Variants in BRD4 observed in about 807,000 individuals in gnomAD.
BRD4 encodes the protein bromodomain-containing protein 4.
Under a neutral mutation model 142.1 loss-of-function variants are expected in BRD4, and 16 were observed. That is an observed-to-expected ratio of 0.11 (90% CI 0.08 to 0.17). BRD4 has a LOEUF of 0.17. Among genes scored for constraint, BRD4 ranks in the 10% least tolerant of loss-of-function variants. The pLI, the probability that BRD4 is intolerant of heterozygous loss-of-function variation, is 1.00. For missense variants in BRD4, 1,424 were observed against 1,810.9 expected (o/e 0.79, Z 3.88); for synonymous variants, 833 against 707.5 (o/e 1.18, Z -2.82).
At chr19:15,328,312 C>A (rs1371932984) in intron 1 of BRD4, among the ~76,000 whole-genome samples, 1 of 152,142 alleles carries the variant, frequency 6.6e-6, no homozygotes, top group East Asian at 1.9e-4. Flanking sequence ...TTATTGACAA[C>A]ATGAGATTCA....
intron 5 of BRD4, 107 bp downstream of exon 5, chr19:15,265,247 C>T (rs2047519230): frequency 1.8e-6 from 2 of 1,131,722 alleles, no homozygotes; most frequent in Non-Finnish European, 2.4e-6. Flanking sequence ...TCCCCAGAAA[C>T]ACCCACCAGT....
At chr19:15,330,718 G>C (rs1366867669) in intron 1 of BRD4, among the ~76,000 whole-genome samples, 3 of 152,196 alleles carry the variant, frequency 2.0e-5, no homozygotes, top group Non-Finnish European at 2.9e-5. Flanking sequence ...AGTGAGCCGA[G>C]ATCGCGCCAC....
intron 11 of BRD4, among the ~76,000 whole-genome samples, chr19:15,252,424 C>G (rs1011505316): frequency 1.3e-5 from 2 of 152,226 alleles, no homozygotes; most frequent in Admixed American, 6.5e-5. Context: ...AACTAGAAAA[C>G]AGGAGGTGCA....
intron 1 of BRD4, among the ~76,000 whole-genome samples, chr19:15,312,388 C>T (rs2047978998): frequency 6.6e-6 from 1 of 152,076 alleles, no homozygotes; most frequent in African/African-American, 2.4e-5. Flanking sequence ...AATCCCAGCA[C>T]TCTGGGAGGC....
At chr19:15,279,302 C>CTA (rs1252603609) in intron 1 of BRD4, among the ~76,000 whole-genome samples, 2 of 152,298 alleles carry the variant, frequency 1.3e-5, no homozygotes, top group Non-Finnish European at 2.9e-5. Flanking sequence ...TATTTACAAT[C>CTA]TAGTCAATAG....
rs753850850 is a variant in BRD4 at position 15,244,250 on chromosome 19, G to A, written c.2562C>T (p.His854=). 1.3e-5 allele frequency: 21 copies of A among 1,574,732 alleles called. No homozygotes were observed. The highest frequency in any genetic ancestry group is 6.7e-5 in the African/African-American group (5 of 74,428). ...EHSTPPHLNQ[H]AVVSPPALHN... Reference sequence around the variant, plus strand: ...GCTCACCTGGAGGAGAGACCACTGCGTGCTGGTTGAGATGGGGTGGAGTGC... The same window carrying A: ...GCTCACCTGGAGGAGAGACCACTGCATGCTGGTTGAGATGGGGTGGAGTGC... Residue 854 remains histidine (H), a synonymous_variant, in exon 13 of 20, where the codon CAC becomes CAT. Coordinates refer to ENST00000679869, the MANE Select transcript of BRD4 (RefSeq NM_001379291.1).
intron 6 of BRD4, among the ~76,000 whole-genome samples, 154 bp from the exon 7 acceptor site, chr19:15,263,702 A>C (rs2145596378): frequency 6.6e-6 from 1 of 152,312 alleles, no homozygotes. Flanking sequence ...CCATCACCCC[A>C]GTTCTCAGCC....
At position 15,273,054 on chromosome 19, in the gene BRD4, C is replaced by G; in HGVS notation, c.46G>C (p.Val16Leu). Residue 16 changes from valine to leucine, a missense_variant, in exon 2 of 20, where the codon GTA becomes CTA. Physicochemically the swap from Val to Leu is conservative, Grantham distance 32 (BLOSUM62 1). Coordinates refer to ENST00000679869, the MANE Select transcript of BRD4 (RefSeq NM_001379291.1). ...GPGTRLRNLP[V>L]MGDGLETSQM... is the part of the protein sequence containing the mutation. Reference sequence around the variant, plus strand: ...GAAGTTTCTAGTCCATCCCCCATTACTGGCAGATTTCTCAATCTCGTCCCA... The same window carrying G: ...GAAGTTTCTAGTCCATCCCCCATTAGTGGCAGATTTCTCAATCTCGTCCCA... The G allele has an allele frequency of 6.2e-7, 1 of 1,611,028 alleles. No individual in the cohort carries two copies. Among genetic ancestry groups the G allele is most frequent in the Non-Finnish European group, 8.5e-7 (1 of 1,177,716 alleles).
At position 15,257,057 on chromosome 19, in the gene BRD4, G is replaced by A. The variant is rs200706361; in HGVS notation, c.1458C>T (p.Ser486=). The A allele has an allele frequency of 7.2e-5, 115 of 1,602,598 alleles. No individual in the cohort carries two copies. The highest frequency in any genetic ancestry group is 5.9e-4 in the South Asian group (52 of 88,698). Residue 486 remains serine, a synonymous_variant, in exon 8 of 20, where the codon AGC becomes AGT. Coordinates refer to ENST00000679869, the MANE Select transcript of BRD4 (RefSeq NM_001379291.1). ...PTKVVAPPSS[S]DSSSDSSSDS... ...CCGAGGAGCTATCGCTGCTGCTGTC[G>A]CTGGATGAGGGCGGGGCCACAACCT...
intron 1 of BRD4, among the ~76,000 whole-genome samples, chr19:15,328,292 TAAC>T (rs1327741578): frequency 1.3e-5 from 2 of 152,094 alleles, no homozygotes; most frequent in African/African-American, 4.8e-5. Context: ...AAAAAAAACT[TAAC>T]AGGTTTTTAT....
intron 1 of BRD4, among the ~76,000 whole-genome samples, chr19:15,309,762 G>A (rs565710091): frequency 2.2e-4 from 33 of 152,280 alleles, no homozygotes; most frequent in African/African-American, 7.9e-4. Context: ...TCCTTCTCAA[G>A]GAGCAAACCG....
chr19:15,327,143 A>T (rs186506498), intron 1 of BRD4, among the ~76,000 whole-genome samples: 1 of 152,348 alleles, frequency 6.6e-6, no homozygotes, highest in East Asian at 1.9e-4. Context: ...TACTAGAAAC[A>T]TCAATGCCAT....
intron 8 of BRD4, 42 bp from the exon 9 acceptor site, chr19:15,256,305 C>T: frequency 6.3e-7 from 1 of 1,586,700 alleles, no homozygotes; most frequent in Non-Finnish European, 8.5e-7. Flanking sequence ...GGGCTGAAAC[C>T]ACCTTCCTGT....
intron 6 of BRD4, 75 bp downstream of exon 6, chr19:15,264,327 TAA>T (rs747421701): frequency 8.9e-5 from 134 of 1,502,444 alleles, no homozygotes; most frequent in Non-Finnish European, 2.8e-5. Context: ...CCTCTTGGAC[TAA>T]AAGGTCTAGG....
Position 15,238,332 on chromosome 19 carries a change from C to A in BRD4, c.*45G>T. On this transcript the variant is annotated 3_prime_UTR_variant, in exon 20 of 20. Transcript: ENST00000679869. The surrounding 1 kb of genome is among the most constrained non-coding windows in gnomAD (Gnocchi z 7.2). ...CACCGCCCCTAACACTATGGAAAGT[C>A]AATGTTTTGCCAGAAAATCAAAGTC... The A allele has an allele frequency of 1.2e-6, 2 of 1,612,680 alleles. No homozygotes were observed. Among genetic ancestry groups the A allele is most frequent in the South Asian group, 2.2e-5 (2 of 90,846 alleles).
intron 1 of BRD4, among the ~76,000 whole-genome samples, chr19:15,285,944 G>C (rs929856831): frequency 1.3e-5 from 2 of 152,160 alleles, no homozygotes; most frequent in South Asian, 4.1e-4. Context: ...GAGAGCCAGA[G>C]AGCAACATGC....
intron 1 of BRD4, among the ~76,000 whole-genome samples, chr19:15,290,868 A>G (rs1014767375): frequency 6.6e-6 from 1 of 152,170 alleles, no homozygotes; most frequent in Non-Finnish European, 1.5e-5. Flanking sequence ...GCTATTATAA[A>G]TTTGATTTCA....
chr19:15,244,939 G>A (rs980405837), intron 11 of BRD4, 177 bp from the exon 12 acceptor site: 6 of 1,149,446 alleles, frequency 5.2e-6, no homozygotes, highest in East Asian at 5.1e-5. Flanking sequence ...AGAGACATGC[G>A]AGGCATCACC....
chr19:15,287,141 G>A (rs777314865), intron 1 of BRD4, among the ~76,000 whole-genome samples: 18 of 152,110 alleles, frequency 1.2e-4, no homozygotes, highest in Non-Finnish European at 1.8e-4. Context: ...GTGTGAATGG[G>A]GGAAACATAT....
Sources: allele counts gnomAD v4.1 joint callset (sites outside exome capture counted in the v4.1 genomes callset), GRCh38; gene constraint gnomAD v4.1.1; non-coding constraint Gnocchi (gnomAD v3.1); transcripts MANE v1.5; gene names NCBI Gene and HGNC (gene_info 2026-07-23, HGNC 2026-07-21).